NTNG2: variants seen among roughly 807,000 people sequenced by gnomAD.
The protein encoded by NTNG2 is netrin-G2.
A neutral mutation model predicts 47.6 loss-of-function variants in NTNG2; 15 were observed. The ratio of observed to expected loss-of-function variants is 0.32; its 90% confidence interval spans 0.21 to 0.49. The LOEUF is 0.49. NTNG2 is among the 20% of genes least tolerant of loss of function. The pLI is 0.99. For missense variants in NTNG2, 578 were observed against 764.6 expected (o/e 0.76, Z 2.88); for synonymous variants, 307 against 324.6 (o/e 0.95, Z 0.58).
At chr9:132,215,000 C>T (rs984932643) in intron 3 of NTNG2, among the ~76,000 whole-genome samples, 1 of 151,540 alleles carries the variant, frequency 6.6e-6, no homozygotes, top group Admixed American at 6.6e-5. Flanking sequence ...CCTCAGCCTC[C>T]GAAGTAGCTA....
intron 2 of NTNG2, among the ~76,000 whole-genome samples, chr9:132,177,119 T>G (rs1041329714): frequency 6.6e-6 from 1 of 152,212 alleles, no homozygotes. Flanking sequence ...CCCAAGTAGC[T>G]GGGATTACAG....
chr9:132,243,137 A>G lies in NTNG2; in HGVS notation c.*1026A>G, dbSNP rs1842080968. ...GCCCTTTTCTACAGAAGTCCAAGGG[A>G]AATGACTCAGGGAGAATCCTAGCAG... On this transcript the variant is annotated 3_prime_UTR_variant, in exon 8 of 8. Coordinates refer to ENST00000393229, the MANE Select transcript of NTNG2 (RefSeq NM_032536.4). 6.6e-6 allele frequency: 1 copy of G among 152,130 alleles called. No homozygotes were observed. Among genetic ancestry groups the G allele is most frequent in the African/African-American group, 2.4e-5 (1 of 41,418 alleles). 9.4% of individuals were successfully genotyped at this position (152,130 alleles called of 1,614,324 possible).
rs574594792 is a variant in NTNG2 at position 132,191,180 on chromosome 9, G to A, written c.214-6786G>A. 3.3e-5 allele frequency among the ~76,000 whole-genome samples: 5 copies of A among 152,250 alleles called. 1 individual carries two copies. Among genetic ancestry groups the A allele is most frequent in the African/African-American group, 1.2e-4 (5 of 41,536 alleles). On this transcript the variant is annotated intron_variant, in intron 2 of 7. Transcript: ENST00000393229. ...GGCACAGGGCTGGCACTCAGTGAATGTTACAATCATCACACTCTTCTGAGT... is the reference window on the plus strand; with the variant it reads ...GGCACAGGGCTGGCACTCAGTGAATATTACAATCATCACACTCTTCTGAGT...
In NTNG2 at chr9:132,202,682, C is replaced by A. The variant is rs1838865202; in HGVS notation, c.857+4073C>A. Among the ~76,000 whole-genome samples, 2 of 152,188 alleles carry A rather than the reference C, an allele frequency of 1.3e-5. 1 individual carries two copies. The highest frequency in any genetic ancestry group is 4.8e-5 in the African/African-American group (2 of 41,450). The stretch of plus-strand genomic sequence containing the variant: ...GTGCTTGGAGCGGGAGGGGCCTCCG[C>A]CCCCACCCTCCACACAACCATTAAG... On this transcript the variant is annotated intron_variant, in intron 3 of 7. Coordinates refer to ENST00000393229, the MANE Select transcript of NTNG2 (RefSeq NM_032536.4).
At chr9:132,164,294 C>T (rs1248587233) in intron 1 of NTNG2, among the ~76,000 whole-genome samples, 2 of 152,112 alleles carry the variant, frequency 1.3e-5, no homozygotes, top group Non-Finnish European at 2.9e-5. Flanking sequence ...TTGCGAGTTG[C>T]GCCGCGCGCG....
chr9:132,236,002 C>T lies in NTNG2; in HGVS notation c.1055-3102C>T, dbSNP rs1841599278. 6.6e-6 allele frequency among the ~76,000 whole-genome samples: 1 copy of T among 152,216 alleles called. No homozygotes were observed. The highest frequency in any genetic ancestry group is 2.4e-5 in the African/African-American group (1 of 41,458). On this transcript the variant is annotated intron_variant, in intron 5 of 7. Coordinates refer to ENST00000393229, the MANE Select transcript of NTNG2 (RefSeq NM_032536.4). The surrounding 1 kb of genome is among the most constrained non-coding windows in gnomAD (Gnocchi z 4.3). ...TCCATGTGGCACCCCCACGCCAAGC[C>T]CTTCCACCAGCACTCCCTCCGAGGG...
chr9:132,196,707 C>G (rs1838338300), intron 2 of NTNG2, among the ~76,000 whole-genome samples: 1 of 152,186 alleles, frequency 6.6e-6, no homozygotes, highest in Non-Finnish European at 1.5e-5. Flanking sequence ...CACCAACAAC[C>G]TAGTCTCCAG....
intron 6 of NTNG2, among the ~76,000 whole-genome samples, 175 bp downstream of exon 6, chr9:132,239,446 T>C (rs939011748): frequency 5.9e-5 from 9 of 152,228 alleles, no homozygotes; most frequent in African/African-American, 2.2e-4. Context: ...CTCCAGAAAC[T>C]GCTCTATTAG....
intron 5 of NTNG2, among the ~76,000 whole-genome samples, chr9:132,230,984 G>A (rs751988513): frequency 3.9e-5 from 6 of 152,104 alleles, no homozygotes; most frequent in Non-Finnish European, 8.8e-5. Context: ...GGATCTGGGA[G>A]AGCAGTCTCT....
In NTNG2 at chr9:132,202,141, G is replaced by A. The variant is rs535812076; in HGVS notation, c.857+3532G>A. ...AGCCTGTATGATGGAGCGATCCCAC[G>A]GGACTCCCCTTTGAATTGAAGGTTC... On this transcript the variant is annotated intron_variant, in intron 3 of 7. Coordinates refer to ENST00000393229, the MANE Select transcript of NTNG2 (RefSeq NM_032536.4). Among the ~76,000 whole-genome samples the A allele has an allele frequency of 2.0e-4, 31 of 152,314 alleles. No homozygotes were observed. The South Asian group carries it at 6.0e-3, about 30-fold the overall frequency.
At chr9:132,237,606 A>G (rs1841722708) in intron 5 of NTNG2, among the ~76,000 whole-genome samples, 1 of 152,206 alleles carries the variant, frequency 6.6e-6, no homozygotes, top group African/African-American at 2.4e-5. Flanking sequence ...TGCAGGATAG[A>G]GGACCGATGC....
At chr9:132,185,249 G>T (rs947394232) in intron 2 of NTNG2, among the ~76,000 whole-genome samples, 1 of 152,182 alleles carries the variant, frequency 6.6e-6, no homozygotes, top group African/African-American at 2.4e-5. Context: ...CTGGGCCTCT[G>T]TTGGAAGCTG....
intron 2 of NTNG2, among the ~76,000 whole-genome samples, chr9:132,170,485 C>T (rs567861796): frequency 1.3e-5 from 2 of 152,302 alleles, no homozygotes; most frequent in East Asian, 1.9e-4. Context: ...GCAGGAAGGG[C>T]GACGGGCAAA....
At chr9:132,189,067 TC>T (rs1564399084) in intron 2 of NTNG2, among the ~76,000 whole-genome samples, 27 of 130,060 alleles carry the variant, frequency 2.1e-4, no homozygotes, top group South Asian at 5.0e-4. Flanking sequence ...TTTAAGCCTT[TC>T]TTTTTTTTTT....
intron 5 of NTNG2, among the ~76,000 whole-genome samples, chr9:132,234,948 G>A (rs369910752): frequency 3.9e-5 from 6 of 152,236 alleles, no homozygotes; most frequent in Non-Finnish European, 7.3e-5. Flanking sequence ...AAACAGCAGC[G>A]CTCCCCTGTC....
At chr9:132,190,477 T>C (rs1837799981) in intron 2 of NTNG2, among the ~76,000 whole-genome samples, 1 of 152,068 alleles carries the variant, frequency 6.6e-6, no homozygotes, top group African/African-American at 2.4e-5. Context: ...CATGACGTTG[T>C]CTGTTCTTCT....
At chr9:132,165,479 A>G (rs1366963232) in intron 1 of NTNG2, among the ~76,000 whole-genome samples, 1 of 152,194 alleles carries the variant, frequency 6.6e-6, no homozygotes, top group Non-Finnish European at 1.5e-5. Context: ...GCAGTCTTCA[A>G]TATCCCTAGT....
At chr9:132,201,389 T>A (rs1838736397) in intron 3 of NTNG2, among the ~76,000 whole-genome samples, 1 of 152,234 alleles carries the variant, frequency 6.6e-6, no homozygotes, top group African/African-American at 2.4e-5. Flanking sequence ...TAAACACTCT[T>A]CAGGCGGCAG....
At chr9:132,207,355 C>T (rs567290489) in intron 3 of NTNG2, among the ~76,000 whole-genome samples, 3 of 152,254 alleles carry the variant, frequency 2.0e-5, no homozygotes, top group South Asian at 2.1e-4. Flanking sequence ...TGTCCCATAC[C>T]CTCCGCCCTC....
Sources: gnomAD v4.1 joint callset for allele counts (sites outside exome capture counted in the v4.1 genomes callset) on GRCh38, gnomAD v4.1.1 for gene constraint, Gnocchi (gnomAD v3.1) non-coding constraint, MANE v1.5 for transcripts, NCBI Gene and HGNC (gene_info 2026-07-23, HGNC 2026-07-21) for gene names.